Variants in MAGI1 observed in about 807,000 individuals in gnomAD.
The protein encoded by MAGI1 is membrane-associated guanylate kinase, WW and PDZ domain-containing protein 1.
MAGI1 carries 58 observed loss-of-function variants against 139.9 expected under a neutral mutation model. The observed-to-expected ratio is 0.41, with a 90% CI of 0.34 to 0.52. The LOEUF (loss-of-function observed/expected upper bound fraction) is 0.52. MAGI1 is among the 20% of genes least tolerant of loss of function. MAGI1 has a pLI of 0.12. For missense variants in MAGI1, 1,874 were observed against 1,901.6 expected (o/e 0.99, Z 0.27); for synonymous variants, 812 against 737.9 (o/e 1.10, Z -1.63).
chr3:65,451,612 C>T (rs1949036612), intron 6 of MAGI1, among the ~76,000 whole-genome samples: 1 of 152,116 alleles, frequency 6.6e-6, no homozygotes, highest in East Asian at 1.9e-4. Context: ...CATGGTGACA[C>T]TCAGAAAGTT....
intron 1 of MAGI1, among the ~76,000 whole-genome samples, chr3:65,887,899 T>A (rs2060594650): frequency 6.6e-6 from 1 of 152,128 alleles, no homozygotes; most frequent in African/African-American, 2.4e-5. Flanking sequence ...ATCATGCACA[T>A]AAAACAAACA....
intron 1 of MAGI1, among the ~76,000 whole-genome samples, chr3:65,949,639 T>C (rs1298678496): frequency 6.6e-6 from 1 of 152,238 alleles, no homozygotes; most frequent in Non-Finnish European, 1.5e-5. Flanking sequence ...AGTGCTAAGA[T>C]ATACCACAAG....
At chr3:65,900,765 C>G (rs947507243) in intron 1 of MAGI1, among the ~76,000 whole-genome samples, 2 of 152,196 alleles carry the variant, frequency 1.3e-5, no homozygotes, top group African/African-American at 2.4e-5. Context: ...GCATAGAACG[C>G]CATTACGCTG....
intron 1 of MAGI1, among the ~76,000 whole-genome samples, chr3:66,015,159 A>G (rs969034260): frequency 1.4e-5 from 2 of 144,694 alleles, no homozygotes; most frequent in African/African-American, 5.2e-5. Context: ...CCTAGGCAAT[A>G]CAGTGAGACC....
chr3:65,700,226 G>A lies in MAGI1; in HGVS notation c.314-78138C>T, dbSNP rs967887346. ...TGGGAGGCCGAGGCGGGCAGATCAC[G>A]AGGTCAGGAGTTCAAGACCAGCCTG... On this transcript the variant is annotated intron_variant, in intron 1 of 22. Transcript: ENST00000402939. Among the ~76,000 whole-genome samples, 11 of 152,172 alleles carry A rather than the reference G, an allele frequency of 7.2e-5. No individual in the cohort carries two copies. The South Asian group carries it at 1.0e-3, about 14-fold the overall frequency.
At chr3:65,994,106 T>C (rs1004586870) in intron 1 of MAGI1, among the ~76,000 whole-genome samples, 3 of 151,912 alleles carry the variant, frequency 2.0e-5, no homozygotes, top group African/African-American at 7.3e-5. Flanking sequence ...AAACCCCATC[T>C]CTACTAAAAA....
At chr3:65,363,711 G>T in intron 20 of MAGI1, 103 bp from the exon 21 acceptor site, 2 of 900,070 alleles carry the variant, frequency 2.2e-6, no homozygotes, top group Non-Finnish European at 1.7e-6. Context: ...CCCCCTCTTG[G>T]TGACTCTTGT....
intron 6 of MAGI1, among the ~76,000 whole-genome samples, chr3:65,452,125 AT>A (rs1244955813): frequency 5.2e-3 from 3 of 582 alleles, no homozygotes; most frequent in African/African-American, 0.023. Flanking sequence ...AGCAACCAAG[AT>A]AAAACAAAGC....
chr3:65,650,976 A>T (rs763328617), intron 1 of MAGI1, among the ~76,000 whole-genome samples: 14 of 152,218 alleles, frequency 9.2e-5, no homozygotes, highest in Non-Finnish European at 1.6e-4. Context: ...CTTGGTGTGT[A>T]TATAGTCAAA....
chr3:65,921,393 C>CT (rs754352588), intron 1 of MAGI1, among the ~76,000 whole-genome samples: 2 of 151,554 alleles, frequency 1.3e-5, no homozygotes, highest in Non-Finnish European at 2.9e-5. Flanking sequence ...ACTGCAATCT[C>CT]TGTGTCCCGG....
intron 1 of MAGI1, chr3:65,719,877 A>AT (rs1465117939): frequency 6.6e-6 from 1 of 152,212 alleles, no homozygotes; most frequent in Non-Finnish European, 1.5e-5. Flanking sequence ...TTGCACAGTT[A>AT]TGACAGCAGT....
At chr3:65,904,184 TACCCTG>T (rs1278577357) in intron 1 of MAGI1, among the ~76,000 whole-genome samples, 1 of 152,202 alleles carries the variant, frequency 6.6e-6, no homozygotes, top group East Asian at 1.9e-4. Flanking sequence ...GAGACACCAC[TACCCTG>T]ATGGCTGATA....
chr3:66,017,729 A>G (rs1182770602), intron 1 of MAGI1, among the ~76,000 whole-genome samples: 5 of 152,128 alleles, frequency 3.3e-5, no homozygotes, highest in Non-Finnish European at 5.9e-5. Flanking sequence ...ATCAAGCTCC[A>G]CTATTGTTAT....
At chr3:65,897,897 GA>G (rs35521432) in intron 1 of MAGI1, among the ~76,000 whole-genome samples, 64 of 148,370 alleles carry the variant, frequency 4.3e-4, no homozygotes, top group Middle Eastern at 3.5e-3. Flanking sequence ...GAAAAGGGGG[GA>G]AAAAAAAAAC....
At chr3:65,621,712 T>C (rs1000642923) in intron 2 of MAGI1, among the ~76,000 whole-genome samples, 4 of 152,204 alleles carry the variant, frequency 2.6e-5, no homozygotes, top group African/African-American at 9.6e-5. Context: ...CTAGTATTAC[T>C]AACACGTCCT....
At chr3:65,823,090 A>C (rs1376877281) in intron 1 of MAGI1, among the ~76,000 whole-genome samples, 1 of 152,220 alleles carries the variant, frequency 6.6e-6, no homozygotes, top group East Asian at 1.9e-4. Flanking sequence ...ATTACAGCTA[A>C]ATTTTTTAAC....
At chr3:65,368,243 G>A (rs935155609) in intron 18 of MAGI1, among the ~76,000 whole-genome samples, 2 of 152,180 alleles carry the variant, frequency 1.3e-5, no homozygotes, top group South Asian at 2.1e-4. Context: ...AGGTGTCAAT[G>A]TATTTGACTT....
intron 1 of MAGI1, among the ~76,000 whole-genome samples, chr3:65,998,184 C>T (rs1218014726): frequency 6.6e-6 from 1 of 151,966 alleles, no homozygotes; most frequent in Non-Finnish European, 1.5e-5. Flanking sequence ...CTCCTCCTCC[C>T]CCAGCCTTCA....
chr3:65,643,443 C>G (rs566426728), intron 1 of MAGI1, among the ~76,000 whole-genome samples: 1 of 152,228 alleles, frequency 6.6e-6, no homozygotes, highest in South Asian at 2.1e-4. Context: ...GCAGACATAC[C>G]TTTCCCTATT....
Sources: gnomAD v4.1 joint callset for allele counts (sites outside exome capture counted in the v4.1 genomes callset) on GRCh38, gnomAD v4.1.1 for gene constraint, MANE v1.5 for transcripts, NCBI Gene and HGNC (gene_info 2026-07-23, HGNC 2026-07-21) for gene names.